GRM7: variants seen among roughly 807,000 people sequenced by gnomAD.
GRM7 encodes the protein glutamate metabotropic receptor 7.
A neutral mutation model predicts 84.5 loss-of-function variants in GRM7; 35 were observed. The observed-to-expected ratio is 0.41, with a 90% CI of 0.32 to 0.55. The LOEUF (loss-of-function observed/expected upper bound fraction) is 0.55. Ranked by LOEUF, GRM7 falls within the 20% of genes least tolerant of loss-of-function variation. GRM7 has a pLI of 0.19. For synonymous variants in GRM7, 487 were observed against 455.1 expected (o/e 1.07, Z -0.89); for missense variants, 1,003 against 1,194.6 (o/e 0.84, Z 2.36).
At chr3:7,082,082 T>C (rs1698292151) in intron 1 of GRM7, among the ~76,000 whole-genome samples, 1 of 152,092 alleles carries the variant, frequency 6.6e-6, no homozygotes, top group Non-Finnish European at 1.5e-5. Flanking sequence ...TAAAGGAAGA[T>C]GACGACACTA....
chr3:7,595,646 A>C (rs970581664), intron 8 of GRM7, among the ~76,000 whole-genome samples: 1 of 152,104 alleles, frequency 6.6e-6, no homozygotes. Flanking sequence ...TGGAGGTGGG[A>C]GTATTCTTGA....
intron 1 of GRM7, among the ~76,000 whole-genome samples, chr3:6,906,102 A>G (rs556524657): frequency 1.3e-5 from 2 of 152,190 alleles, no homozygotes; most frequent in Admixed American, 6.5e-5. Flanking sequence ...GGAATAATTC[A>G]TACAGTTTCA....
chr3:7,181,898 A>T (rs1695350381), intron 2 of GRM7, among the ~76,000 whole-genome samples: 1 of 152,158 alleles, frequency 6.6e-6, no homozygotes, highest in Non-Finnish European at 1.5e-5. Flanking sequence ...GGTGTGAGCC[A>T]CCTCTCTCAG....
intron 1 of GRM7, among the ~76,000 whole-genome samples, chr3:6,956,137 C>T (rs1693038210): frequency 6.6e-6 from 1 of 152,178 alleles, no homozygotes; most frequent in Non-Finnish European, 1.5e-5. Flanking sequence ...GCAACACATA[C>T]AACTAGCTTA....
intron 1 of GRM7, among the ~76,000 whole-genome samples, chr3:7,071,572 G>A (rs1293553458): frequency 6.6e-6 from 1 of 151,922 alleles, no homozygotes; most frequent in Non-Finnish European, 1.5e-5. Context: ...TAGATTAACA[G>A]CTACTGTCCC....
chr3:7,226,366 G>A lies in GRM7; in HGVS notation c.737-72318G>A, dbSNP rs1330088288. Among the ~76,000 whole-genome samples the A allele has an allele frequency of 2.0e-5, 3 of 152,134 alleles. No homozygotes were observed. In the East Asian group the frequency reaches 5.8e-4, roughly 29 times the overall value. On this transcript the variant is annotated intron_variant, in intron 2 of 9. Transcript: ENST00000357716. Reference sequence around the variant, plus strand: ...GCAAAATTTATTTCCTTGTGGCTGTGTGACTAAGGGCTCTGGCTTTTTACC... The same window carrying A: ...GCAAAATTTATTTCCTTGTGGCTGTATGACTAAGGGCTCTGGCTTTTTACC...
At chr3:7,425,822 G>A (rs570164738) in intron 5 of GRM7, among the ~76,000 whole-genome samples, 1 of 152,128 alleles carries the variant, frequency 6.6e-6, no homozygotes, top group South Asian at 2.1e-4. Flanking sequence ...AAGCTGAAAT[G>A]GTTCTCCTTT....
chr3:7,638,723 A>G (rs1872397), intron 8 of GRM7, among the ~76,000 whole-genome samples: 132,588 of 152,236 alleles, frequency 0.87, 57,892 homozygotes, highest in African/African-American at 0.94. Context: ...GCCCTGAAGC[A>G]TTTGAAAGAT....
chr3:7,411,545 A>G (rs1695936568), intron 4 of GRM7, among the ~76,000 whole-genome samples: 2 of 152,202 alleles, frequency 1.3e-5, no homozygotes. Context: ...TAGTTGAACC[A>G]CATATGACTG....
At chr3:7,002,713 A>G (rs1012850593) in intron 1 of GRM7, among the ~76,000 whole-genome samples, 16 of 152,264 alleles carry the variant, frequency 1.1e-4, no homozygotes, top group African/African-American at 3.4e-4. Flanking sequence ...GGACAACCCA[A>G]CGATCCAGCA....
chr3:6,862,370 A>G lies in GRM7; in HGVS notation c.519+463A>G, dbSNP rs111416400. ...CAGCCTGCCAACCTGCACTCCCTTGAAAAATTTGGAGACAGCCTTAAGGAG... is the reference window on the plus strand; with the variant it reads ...CAGCCTGCCAACCTGCACTCCCTTGGAAAATTTGGAGACAGCCTTAAGGAG... On this transcript the variant is annotated intron_variant, in intron 1 of 9. Transcript: ENST00000357716. The surrounding 1 kb of genome is among the most constrained non-coding windows in gnomAD (Gnocchi z 5.2). 8.0e-3 allele frequency among the ~76,000 whole-genome samples: 1,216 copies of G among 152,016 alleles called. 13 individuals carry two copies. Among genetic ancestry groups the G allele is most frequent in the African/African-American group, 0.028 (1,144 of 41,458 alleles).
At chr3:7,710,643 T>G (rs1043687665) in intron 9 of GRM7, among the ~76,000 whole-genome samples, 1 of 152,102 alleles carries the variant, frequency 6.6e-6, no homozygotes, top group African/African-American at 2.4e-5. Context: ...AATGACAGGG[T>G]GGAGCAAAGT....
chr3:7,681,501 T>C (rs1363587321), intron 9 of GRM7: 2 of 152,244 alleles, frequency 1.3e-5, no homozygotes, highest in Non-Finnish European at 2.9e-5. Flanking sequence ...CGTGAAATAC[T>C]TTGAAAATAT....
chr3:7,312,652 T>C (rs1420337771), intron 4 of GRM7, among the ~76,000 whole-genome samples: 1 of 152,154 alleles, frequency 6.6e-6, no homozygotes, highest in African/African-American at 2.4e-5. Flanking sequence ...TGCCAAATGC[T>C]GACTTACCCA....
At chr3:7,036,701 T>C (rs930924494) in intron 1 of GRM7, among the ~76,000 whole-genome samples, 16 of 152,208 alleles carry the variant, frequency 1.1e-4, no homozygotes, top group African/African-American at 3.9e-4. Context: ...ACATAGAAAT[T>C]ATATAAAATT....
rs191881230 is a variant in GRM7, at chr3:7,718,106, C to A, written c.2699-22251C>A. 2.8e-3 allele frequency among the ~76,000 whole-genome samples: 427 copies of A among 152,288 alleles called. 7 individuals carry two copies. Among genetic ancestry groups the A allele is most frequent in the Middle Eastern group, 0.02 (6 of 294 alleles). ...CTGGGGCCTTGGGAGTTATACTTAACCTCTCTGTGCCTCTCTTTTCCCATC... is the reference window on the plus strand; with the variant it reads ...CTGGGGCCTTGGGAGTTATACTTAAACTCTCTGTGCCTCTCTTTTCCCATC... On this transcript the variant is annotated intron_variant, in intron 9 of 9. Transcript: ENST00000357716.
At chr3:7,725,791 A>T (rs1702104012) in intron 9 of GRM7, among the ~76,000 whole-genome samples, 1 of 152,206 alleles carries the variant, frequency 6.6e-6, no homozygotes, top group South Asian at 2.1e-4. Context: ...TTCAACAGAC[A>T]TTATCAATCC....
intron 1 of GRM7, among the ~76,000 whole-genome samples, chr3:6,977,195 G>A (rs781389): frequency 0.18 from 26,803 of 152,146 alleles, 2,472 homozygotes; most frequent in South Asian, 0.27. Context: ...GATGCCATTT[G>A]CCACTTTAGT....
At chr3:7,458,629 A>C (rs1427454886) in intron 6 of GRM7, among the ~76,000 whole-genome samples, 1 of 152,158 alleles carries the variant, frequency 6.6e-6, no homozygotes, top group Admixed American at 6.5e-5. Flanking sequence ...CGTTTCTTCT[A>C]ACTAAGATTG....
Sources: gnomAD v4.1 joint callset for allele counts (sites outside exome capture counted in the v4.1 genomes callset) on GRCh38, gnomAD v4.1.1 for gene constraint, Gnocchi (gnomAD v3.1) non-coding constraint, MANE v1.5 for transcripts, NCBI Gene and HGNC (gene_info 2026-07-23, HGNC 2026-07-21) for gene names.